The following AGBL4 variants were observed in gnomAD, a reference collection of about 807,000 sequenced individuals.
AGBL4 encodes cytosolic carboxypeptidase 6.
A neutral mutation model predicts 66.4 loss-of-function variants in AGBL4; 58 were observed. That is an observed-to-expected ratio of 0.87 (90% confidence interval 0.71 to 1.09). The LOEUF is 1.09. AGBL4 is among the 50% of genes least tolerant of loss of function. The pLI, the probability that AGBL4 is intolerant of heterozygous loss-of-function variation, is 0.00. For missense variants in AGBL4, 579 were observed against 631.0 expected, an observed-to-expected ratio of 0.92 and a Z score of 0.88; for synonymous variants, 234 against 222.9, an observed-to-expected ratio of 1.05 and a Z score of -0.44.
intron 2 of AGBL4, among the ~76,000 whole-genome samples, chr1:49,763,543 T>C (rs1652499154): frequency 6.6e-6 from 1 of 152,086 alleles, no homozygotes; most frequent in Non-Finnish European, 1.5e-5. Flanking sequence ...ATGGAACACA[T>C]GGAAAACAGA....
intron 6 of AGBL4, among the ~76,000 whole-genome samples, chr1:48,832,236 G>A (rs1031372956): frequency 1.9e-4 from 29 of 152,234 alleles, no homozygotes; most frequent in Non-Finnish European, 1.5e-4. Flanking sequence ...AGCTGCATCC[G>A]CTCACTGGCA....
chr1:49,954,334 C>T (rs1414235367), intron 1 of AGBL4, among the ~76,000 whole-genome samples: 1 of 151,934 alleles, frequency 6.6e-6, no homozygotes, highest in Non-Finnish European at 1.5e-5. Flanking sequence ...GAGGTGGAAC[C>T]TTTAAGAAGT....
At position 49,790,865 on chromosome 1, in the gene AGBL4, T is replaced by C. The variant is rs181475649; in HGVS notation, c.157+60531A>G. Among the ~76,000 whole-genome samples the C allele has an allele frequency of 3.9e-4, 60 of 152,348 alleles. 2 individuals are homozygous for C. The East Asian group carries it at 0.011, about 27-fold the overall frequency. ...ACAACAGAAATGGCAGATAATCGAC[T>C]ATATTTTAAAGATGTTTTTAATGTG... is the stretch of plus-strand genomic sequence containing the variant. On this transcript the variant is annotated intron_variant, in intron 2 of 13. Transcript: ENST00000371839.
intron 3 of AGBL4, among the ~76,000 whole-genome samples, chr1:49,261,615 C>A (rs1275209607): frequency 1.2e-3 from 189 of 152,076 alleles, no homozygotes; most frequent in African/African-American, 3.5e-3. Flanking sequence ...ATGTGAAGGA[C>A]CTCTTCAAGG....
intron 2 of AGBL4, among the ~76,000 whole-genome samples, chr1:49,746,164 G>T (rs531321219): frequency 6.6e-6 from 1 of 151,926 alleles, no homozygotes; most frequent in South Asian, 2.1e-4. Flanking sequence ...ACTTCCAGAA[G>T]AATGCATTCC....
chr1:49,667,627 T>C (rs1016869398), intron 3 of AGBL4, among the ~76,000 whole-genome samples: 3 of 152,150 alleles, frequency 2.0e-5, no homozygotes, highest in Non-Finnish European at 4.4e-5. Flanking sequence ...CTTTTAAATA[T>C]CTGCACAAGG....
At chr1:49,152,006 A>C (rs1008025857) in intron 4 of AGBL4, among the ~76,000 whole-genome samples, 1 of 152,160 alleles carries the variant, frequency 6.6e-6, no homozygotes, top group Non-Finnish European at 1.5e-5. Flanking sequence ...AAAAAAAAAA[A>C]CATAAAATGT....
intron 2 of AGBL4, among the ~76,000 whole-genome samples, chr1:49,795,764 T>C (rs1644715152): frequency 6.6e-6 from 1 of 151,992 alleles, no homozygotes; most frequent in South Asian, 2.1e-4. Context: ...AAAATTTAAG[T>C]TAGTACTTCA....
chr1:49,040,152 A>C (rs1643901818), intron 5 of AGBL4, among the ~76,000 whole-genome samples: 1 of 152,112 alleles, frequency 6.6e-6, no homozygotes, highest in African/African-American at 2.4e-5. Context: ...CCCAGTTTTA[A>C]AAATGGGCAA....
chr1:49,136,488 C>G (rs958108347), intron 4 of AGBL4, among the ~76,000 whole-genome samples: 4 of 152,092 alleles, frequency 2.6e-5, no homozygotes, highest in Admixed American at 1.3e-4. Context: ...AATTATATTT[C>G]TAAATATTAC....
At chr1:49,059,105 T>C (rs1005978340) in intron 4 of AGBL4, among the ~76,000 whole-genome samples, 1 of 151,926 alleles carries the variant, frequency 6.6e-6, no homozygotes, top group Non-Finnish European at 1.5e-5. Context: ...ATGGGGAAAA[T>C]GTCTCCAAGG....
chr1:48,725,431 G>A (rs1366035280), intron 6 of AGBL4, among the ~76,000 whole-genome samples: 1 of 152,184 alleles, frequency 6.6e-6, no homozygotes, highest in Non-Finnish European at 1.5e-5. Flanking sequence ...GTTTTTATAT[G>A]TATTTGAATG....
At chr1:49,992,830 C>G (rs983276876) in intron 1 of AGBL4, among the ~76,000 whole-genome samples, 1 of 152,148 alleles carries the variant, frequency 6.6e-6, no homozygotes, top group Non-Finnish European at 1.5e-5. Flanking sequence ...ATAAACTCTC[C>G]CCAATGCTCC....
intron 9 of AGBL4, among the ~76,000 whole-genome samples, chr1:48,612,650 C>T (rs531683490): frequency 1.1e-4 from 17 of 152,264 alleles, no homozygotes; most frequent in African/African-American, 4.1e-4. Context: ...TTTAGTATAG[C>T]TGGTTGGCAG....
chr1:49,679,725 C>T (rs1054046789), intron 3 of AGBL4, among the ~76,000 whole-genome samples: 9 of 151,920 alleles, frequency 5.9e-5, no homozygotes, highest in African/African-American at 1.9e-4. Context: ...TAGTGTTTTT[C>T]AATATATCTT....
intron 3 of AGBL4, among the ~76,000 whole-genome samples, chr1:49,329,161 G>T (rs1360768724): frequency 6.7e-6 from 1 of 149,914 alleles, no homozygotes; most frequent in Non-Finnish European, 1.5e-5. Context: ...ACAAAAATTA[G>T]CCAGGCATGG....
intron 1 of AGBL4, among the ~76,000 whole-genome samples, chr1:49,866,429 A>T (rs1646702300): frequency 6.6e-6 from 1 of 152,256 alleles, no homozygotes; most frequent in South Asian, 2.1e-4. Flanking sequence ...GAAACCCTAT[A>T]AGCCAGAAGA....
chr1:48,687,111 A>G (rs1390961136), intron 6 of AGBL4, among the ~76,000 whole-genome samples: 1 of 152,160 alleles, frequency 6.6e-6, no homozygotes, highest in East Asian at 1.9e-4. Context: ...GCAGGGAGAC[A>G]CTCATGAAGT....
At chr1:49,485,424 T>A (rs1308005334) in intron 3 of AGBL4, among the ~76,000 whole-genome samples, 4 of 117,248 alleles carry the variant, frequency 3.4e-5, no homozygotes, top group Non-Finnish European at 6.5e-5. Flanking sequence ...ACATGGACAC[T>A]GGAAGGGGAA....
Sources: gnomAD v4.1 joint callset for allele counts (sites outside exome capture counted in the v4.1 genomes callset) on GRCh38, gnomAD v4.1.1 for gene constraint, MANE v1.5 for transcripts, NCBI Gene and HGNC (gene_info 2026-07-23, HGNC 2026-07-21) for gene names.